INTS6L: variants seen among roughly 807,000 people sequenced by gnomAD.
The protein encoded by INTS6L is integrator complex subunit 6-like.
Under a neutral mutation model 64.7 loss-of-function variants are expected in INTS6L, and 18 were observed. That is an observed-to-expected ratio of 0.28 (90% confidence interval 0.19 to 0.41). The LOEUF (loss-of-function observed/expected upper bound fraction) is 0.41. Among genes scored for constraint, INTS6L ranks in the 10% least tolerant of loss-of-function variants. INTS6L has a pLI of 1.00. For missense variants in INTS6L, 533 were observed against 661.0 expected (o/e 0.81, Z 2.12); for synonymous variants, 227 against 235.9 (o/e 0.96, Z 0.34).
chrX:135,533,841 T>A (rs2085976533), intron 2 of INTS6L, among the ~76,000 whole-genome samples: 1 of 112,241 alleles, frequency 8.9e-6, no homozygotes, highest in African/African-American at 3.2e-5. Context: ...GAATGTGTGA[T>A]ATGCACAATA....
intron 14 of INTS6L, among the ~76,000 whole-genome samples, 181 bp from the exon 15 acceptor site, chrX:135,577,012 C>T (rs967931604): frequency 1.8e-5 from 2 of 110,261 alleles, no homozygotes; most frequent in African/African-American, 3.3e-5. Context: ...GATAAATCTT[C>T]GGCCCATGAT....
At chrX:135,572,764 G>C in intron 11 of INTS6L, 51 bp from the exon 12 acceptor site, 1 of 1,038,874 alleles carries the variant, frequency 9.6e-7, no homozygotes. Context: ...TAGTAAAAAT[G>C]ACAGTGGTAA....
intron 9 of INTS6L, among the ~76,000 whole-genome samples, chrX:135,564,731 C>CAAAA (rs112666496): frequency 7.3e-5 from 7 of 95,349 alleles, no homozygotes; most frequent in South Asian, 5.5e-4. Flanking sequence ...TACACTGTCT[C>CAAAA]AAAAAAAAAA....
At chrX:135,542,695 C>T (rs1439528659) in intron 2 of INTS6L, among the ~76,000 whole-genome samples, 1 of 111,501 alleles carries the variant, frequency 9.0e-6, no homozygotes, top group Non-Finnish European at 1.9e-5. Flanking sequence ...TAAAGTGGTA[C>T]CCAAATCTTA....
chrX:135,563,970 C>T (rs967739277), intron 9 of INTS6L, among the ~76,000 whole-genome samples: 2 of 110,340 alleles, frequency 1.8e-5, no homozygotes, highest in South Asian at 3.8e-4. Flanking sequence ...CAAATTTGGC[C>T]GGTTTTCAGC....
At chrX:135,565,237 A>G (rs1467291073) in intron 9 of INTS6L, among the ~76,000 whole-genome samples, 2 of 112,169 alleles carry the variant, frequency 1.8e-5, no homozygotes, top group African/African-American at 6.5e-5. Flanking sequence ...CTGGTCTTCC[A>G]GTAGCTATCA....
At chrX:135,529,623 T>C (rs1275724792) in intron 2 of INTS6L, among the ~76,000 whole-genome samples, 1 of 112,245 alleles carries the variant, frequency 8.9e-6, no homozygotes, top group East Asian at 2.8e-4. Context: ...ATAGCATCTA[T>C]AAGAGGTAGG....
chrX:135,526,604 A>T (rs1242654813), intron 2 of INTS6L, among the ~76,000 whole-genome samples: 2 of 111,971 alleles, frequency 1.8e-5, no homozygotes, highest in African/African-American at 6.5e-5. Flanking sequence ...GCAGTATAAC[A>T]ACTTCCTCTG....
intron 12 of INTS6L, among the ~76,000 whole-genome samples, chrX:135,573,306 G>C (rs1210828403): frequency 1.8e-5 from 2 of 112,488 alleles, no homozygotes; most frequent in Admixed American, 1.9e-4. Flanking sequence ...ACCTGTGAGA[G>C]GAAGGAGGAA....
chrX:135,528,809 C>A lies in INTS6L; in HGVS notation c.189+7491C>A, dbSNP rs147460552. On this transcript the variant is annotated intron_variant, in intron 2 of 17. Transcript: ENST00000639893. ...TTAAGATATTTTATGATGTTCATAT[C>A]CTAGGAATTGTTTCTGAAGGAGGAT... 6.8e-4 allele frequency among the ~76,000 whole-genome samples: 74 copies of A among 108,492 alleles called. 3 individuals carry two copies. The East Asian group carries it at 0.02, about 30-fold the overall frequency. 94.2% of individuals were successfully genotyped at this position (108,492 alleles called of 115,157 possible).
rs782434658 is a variant in INTS6L, at chrX:135,523,402, CAAAAA to C, written c.189+2105_189+2109del. On this transcript the variant is annotated intron_variant, in intron 2 of 17. Transcript: ENST00000639893. The stretch of plus-strand genomic sequence containing the variant: ...GGGCAAGAAAGTGAAACTCTGTCGT[CAAAAA>C]AAAAAAAAAAAAAAAAAAAAGGAAC... 1.4e-3 allele frequency among the ~76,000 whole-genome samples: 53 copies of C among 36,970 alleles called. No homozygotes were observed. In the South Asian group the frequency reaches 0.029, roughly 20 times the overall value. The allele number at this position is 36,970 out of a possible 115,157, so 32.1% of individuals were successfully genotyped here.
intron 17 of INTS6L, 32 bp downstream of exon 17, chrX:135,581,175 G>A (rs1166798981): frequency 9.1e-7 from 1 of 1,098,293 alleles, no homozygotes; most frequent in African/African-American, 1.9e-5. Flanking sequence ...TCAATTTTTT[G>A]TTTTTGTTTT....
At chrX:135,522,471 A>G (rs1387437791) in intron 2 of INTS6L, among the ~76,000 whole-genome samples, 1 of 112,349 alleles carries the variant, frequency 8.9e-6, no homozygotes, top group Non-Finnish European at 1.9e-5. Context: ...GATAAAATGG[A>G]ATTTAAACTG....
rs1205701166 is a variant in INTS6L, at chrX:135,577,307, C to A, written c.1999C>A (p.Leu667Met). 1.7e-6 allele frequency: 2 copies of A among 1,209,583 alleles called. No individual in the cohort carries two copies. The highest frequency in any genetic ancestry group is 2.2e-6 in the Non-Finnish European group (2 of 895,200). The change falls in exon 15 of 18, where the codon CTG (leucine) becomes ATG (methionine). Residue 667 changes from leucine to methionine, a missense_variant. Leu to Met is a conservative substitution (Grantham distance 15). Transcript: ENST00000639893. ...TAAGAGAAGGCGGAGTATGTCCCTGCTGTTGAGGAAACCACAAACACCACC... is the reference window on the plus strand; with the variant it reads ...TAAGAGAAGGCGGAGTATGTCCCTGATGTTGAGGAAACCACAAACACCACC... ...SSKRRRSMSL[L>M]LRKPQTPPTV...
chrX:135,526,017 C>T (rs1165915761), intron 2 of INTS6L, among the ~76,000 whole-genome samples: 1 of 112,022 alleles, frequency 8.9e-6, no homozygotes, highest in Non-Finnish European at 1.9e-5. Context: ...CTGGGCAATA[C>T]AATCTTCAGA....
intron 11 of INTS6L, chrX:135,572,267 T>G (rs1382918229): frequency 8.9e-6 from 1 of 112,816 alleles, no homozygotes; most frequent in Non-Finnish European, 1.9e-5. Flanking sequence ...CTTAGTAATA[T>G]CTGTTAAATT....
intron 2 of INTS6L, among the ~76,000 whole-genome samples, chrX:135,531,103 T>C (rs1307098011): frequency 8.9e-6 from 1 of 112,339 alleles, no homozygotes; most frequent in East Asian, 2.8e-4. Flanking sequence ...TTAAGAAAAC[T>C]AAATATGATT....
chrX:135,536,305 T>C (rs1228804515), intron 2 of INTS6L, among the ~76,000 whole-genome samples: 1 of 112,467 alleles, frequency 8.9e-6, no homozygotes, highest in Non-Finnish European at 1.9e-5. Flanking sequence ...CTATTTTTTT[T>C]TATTTATAAA....
At chrX:135,526,341 C>A (rs782780985) in intron 2 of INTS6L, among the ~76,000 whole-genome samples, 1 of 111,739 alleles carries the variant, frequency 8.9e-6, no homozygotes, top group Non-Finnish European at 1.9e-5. Context: ...CTTGGCCTGG[C>A]CTCCATGGCC....
Sources: gnomAD v4.1 joint callset for allele counts (sites outside exome capture counted in the v4.1 genomes callset) on GRCh38, gnomAD v4.1.1 for gene constraint, MANE v1.5 for transcripts, NCBI Gene and HGNC (gene_info 2026-07-23, HGNC 2026-07-21) for gene names.